The following ZFYVE9 variants were observed in gnomAD, a reference collection of about 807,000 sequenced individuals.
ZFYVE9 encodes zinc finger FYVE domain-containing protein 9.
A neutral mutation model predicts 126.7 loss-of-function variants in ZFYVE9; 43 were observed. The ratio of observed to expected loss-of-function variants is 0.34; its 90% CI spans 0.27 to 0.44. The LOEUF is 0.44. Ranked by LOEUF, ZFYVE9 falls within the 20% of genes least tolerant of loss-of-function variation. The pLI is 1.00. For missense variants in ZFYVE9, 1,476 were observed against 1,697.0 expected, an observed-to-expected ratio of 0.87 and a Z score of 2.29; for synonymous variants, 521 against 597.4, an observed-to-expected ratio of 0.87 and a Z score of 1.87.
chr1:52,205,881 A>G (rs1644973882), intron 1 of ZFYVE9, among the ~76,000 whole-genome samples: 1 of 152,184 alleles, frequency 6.6e-6, no homozygotes, highest in South Asian at 2.1e-4. Flanking sequence ...ATGATCCGAA[A>G]TATAAGACCC....
intron 1 of ZFYVE9, among the ~76,000 whole-genome samples, chr1:52,151,994 CA>C (rs747981701): frequency 6.6e-6 from 1 of 151,728 alleles, no homozygotes; most frequent in Non-Finnish European, 1.5e-5. Flanking sequence ...TGTATTACCC[CA>C]ATTTTTTTTT....
At chr1:52,217,179 C>T (rs1572107613) in intron 2 of ZFYVE9, among the ~76,000 whole-genome samples, 1 of 152,198 alleles carries the variant, frequency 6.6e-6, no homozygotes, top group South Asian at 2.1e-4. Context: ...TTAACCCTAA[C>T]ACAGTTCCTG....
At chr1:52,169,378 T>G (rs1388931329) in intron 1 of ZFYVE9, among the ~76,000 whole-genome samples, 1 of 152,160 alleles carries the variant, frequency 6.6e-6, no homozygotes, top group Non-Finnish European at 1.5e-5. Context: ...CCAGCTTGGG[T>G]GACAGAGTGA....
chr1:52,271,825 A>G (rs17372640), intron 7 of ZFYVE9, among the ~76,000 whole-genome samples: 8,177 of 152,158 alleles, frequency 0.054, 237 homozygotes, highest in South Asian at 0.076. Flanking sequence ...AAACATGGGC[A>G]TATTTATTTT....
chr1:52,173,521 T>G (rs1222539407), intron 1 of ZFYVE9, among the ~76,000 whole-genome samples: 1 of 152,222 alleles, frequency 6.6e-6, no homozygotes, highest in Non-Finnish European at 1.5e-5. Context: ...CCTCATAAAA[T>G]GAGTTAGGGA....
intron 7 of ZFYVE9, among the ~76,000 whole-genome samples, chr1:52,270,440 A>AT (rs2147804843): frequency 6.6e-6 from 1 of 151,940 alleles, no homozygotes; most frequent in South Asian, 2.1e-4. Flanking sequence ...ATTTTTATGT[A>AT]TTTTTAGTAG....
At chr1:52,197,475 A>G (rs931558967) in intron 1 of ZFYVE9, among the ~76,000 whole-genome samples, 6 of 152,296 alleles carry the variant, frequency 3.9e-5, no homozygotes, top group South Asian at 2.1e-4. Context: ...AGTAGATACA[A>G]TTCTCTTGGA....
chr1:52,319,632 A>T (rs989707302), intron 13 of ZFYVE9, among the ~76,000 whole-genome samples: 1 of 150,632 alleles, frequency 6.6e-6, no homozygotes, highest in African/African-American at 2.4e-5. Flanking sequence ...CAAAAAAAAA[A>T]TAAAATAAAA....
At chr1:52,330,983 C>T (rs1646335891) in intron 13 of ZFYVE9, among the ~76,000 whole-genome samples, 1 of 152,154 alleles carries the variant, frequency 6.6e-6, no homozygotes, top group African/African-American at 2.4e-5. Flanking sequence ...TCTCCTGCCT[C>T]AGCCTCCCAA....
intron 1 of ZFYVE9, among the ~76,000 whole-genome samples, chr1:52,144,632 T>TC (rs1644291734): frequency 6.7e-6 from 1 of 149,558 alleles, no homozygotes; most frequent in Admixed American, 6.7e-5. Context: ...TTTCTTTCTT[T>TC]TTTTTTTTTT....
intron 9 of ZFYVE9, among the ~76,000 whole-genome samples, chr1:52,280,975 G>T (rs1385718071): frequency 2.0e-5 from 3 of 152,044 alleles, no homozygotes; most frequent in Non-Finnish European, 4.4e-5. Flanking sequence ...AAAGGTGGAG[G>T]ACTATGTTCT....
At chr1:52,173,850 C>A (rs1190094107) in intron 1 of ZFYVE9, among the ~76,000 whole-genome samples, 2 of 151,982 alleles carry the variant, frequency 1.3e-5, no homozygotes, top group African/African-American at 4.8e-5. Flanking sequence ...GTGGTGATAT[C>A]CCCTTTATAA....
intron 12 of ZFYVE9, among the ~76,000 whole-genome samples, chr1:52,300,238 C>T (rs1160415138): frequency 1.3e-5 from 2 of 152,108 alleles, no homozygotes; most frequent in Admixed American, 1.3e-4. Flanking sequence ...GGAGCAAGAG[C>T]CAGACAACTC....
Position 52,335,028 on chromosome 1 carries a change from G to T in ZFYVE9, c.3670+260G>T, listed in dbSNP as rs531158613. 4 of 296,774 alleles carry T rather than the reference G, an allele frequency of 1.3e-5. No individual in the cohort carries two copies. The East Asian group carries it at 2.8e-4, about 21-fold the overall frequency. 18.4% of individuals were successfully genotyped at this position (296,774 alleles called of 1,614,324 possible). ...AGGTACCTGAGGGCATGTAGTCTGA[G>T]TTCAAATATATCATTGGGTGGAAAT... is the stretch of plus-strand genomic sequence containing the variant. On this transcript the variant is annotated intron_variant, in intron 15 of 18. Coordinates refer to ENST00000287727, the MANE Select transcript of ZFYVE9 (RefSeq NM_004799.4).
At chr1:52,234,728 C>G (rs1248953725) in intron 3 of ZFYVE9, among the ~76,000 whole-genome samples, 1 of 152,186 alleles carries the variant, frequency 6.6e-6, no homozygotes, top group African/African-American at 2.4e-5. Context: ...ATTCCTGGTT[C>G]ATGTAAATGT....
intron 1 of ZFYVE9, among the ~76,000 whole-genome samples, chr1:52,153,843 C>T (rs755225730): frequency 6.6e-6 from 1 of 152,158 alleles, no homozygotes; most frequent in East Asian, 1.9e-4. Flanking sequence ...GGAATGATGG[C>T]GAGTAGGGGC....
intron 1 of ZFYVE9, among the ~76,000 whole-genome samples, chr1:52,196,103 A>G (rs1449578592): frequency 6.6e-6 from 1 of 151,960 alleles, no homozygotes; most frequent in Non-Finnish European, 1.5e-5. Context: ...GTATAGTCTT[A>G]TATTTGTCCA....
At chr1:52,333,250 T>A (rs962060505) in intron 14 of ZFYVE9, among the ~76,000 whole-genome samples, 2 of 150,578 alleles carry the variant, frequency 1.3e-5, no homozygotes, top group East Asian at 3.9e-4. Flanking sequence ...CAAACCTGCA[T>A]GTTGTGCACA....
At chr1:52,187,108 A>T (rs1489835494) in intron 1 of ZFYVE9, among the ~76,000 whole-genome samples, 2 of 152,122 alleles carry the variant, frequency 1.3e-5, no homozygotes, top group African/African-American at 4.8e-5. Flanking sequence ...TGGTACTAAC[A>T]CAAAACAGAC....
Sources: allele counts gnomAD v4.1 joint callset (sites outside exome capture counted in the v4.1 genomes callset), GRCh38; gene constraint gnomAD v4.1.1; transcripts MANE v1.5; gene names NCBI Gene and HGNC (gene_info 2026-07-23, HGNC 2026-07-21).